Variants in PDCD1LG2 observed in about 807,000 individuals in gnomAD.
PDCD1LG2 encodes programmed cell death 1 ligand 2.
Under a neutral mutation model 28.2 loss-of-function variants are expected in PDCD1LG2, and 32 were observed. That is an observed-to-expected ratio of 1.13 (90% CI 0.86 to 1.52). The LOEUF (loss-of-function observed/expected upper bound fraction) is 1.52, where lower values mean the gene tolerates loss of function less well. Among genes scored for constraint, PDCD1LG2 ranks in the 40% most tolerant of loss-of-function variants. PDCD1LG2 has a pLI of 0.00. For missense variants in PDCD1LG2, 385 were observed against 323.8 expected, an observed-to-expected ratio of 1.19 and a Z score of -1.45; for synonymous variants, 116 against 120.2, an observed-to-expected ratio of 0.97 and a Z score of 0.23.
intron 4 of PDCD1LG2, among the ~76,000 whole-genome samples, chr9:5,549,918 C>T (rs908731049): frequency 6.6e-6 from 1 of 152,158 alleles, no homozygotes; most frequent in Non-Finnish European, 1.5e-5. Flanking sequence ...TGAATGAATA[C>T]CCCAACTCAT....
chr9:5,536,058 G>T lies in PDCD1LG2; in HGVS notation c.361+1008G>T, dbSNP rs117409046. Among the ~76,000 whole-genome samples, 1,167 of 152,176 alleles carry T rather than the reference G, an allele frequency of 7.7e-3. 42 individuals are homozygous for T. The highest frequency in any genetic ancestry group is 0.057 in the Admixed American group (878 of 15,270). ...TCTTCTAGAGGGTTTGTGGGTTTTG[G>T]CCCCAAAAAACCATTAACCTTGGCA... On this transcript the variant is annotated intron_variant, in intron 3 of 6. Coordinates refer to ENST00000397747, the MANE Select transcript of PDCD1LG2 (RefSeq NM_025239.4).
intron 4 of PDCD1LG2, among the ~76,000 whole-genome samples, chr9:5,557,255 A>AGATGGATGGATTGATG (rs969153461): frequency 1.0e-5 from 1 of 97,724 alleles, no homozygotes; most frequent in Admixed American, 1.0e-4. Flanking sequence ...ATTAGATGAT[A>AGATGGATGGATTGATG]GATGGATGGA....
At chr9:5,546,623 C>A (rs1339305840) in intron 3 of PDCD1LG2, among the ~76,000 whole-genome samples, 3 of 152,170 alleles carry the variant, frequency 2.0e-5, no homozygotes, top group East Asian at 3.8e-4. Context: ...AACCTCAGAG[C>A]ATATTCCTCT....
At chr9:5,557,073 T>G (rs1816456962) in intron 4 of PDCD1LG2, among the ~76,000 whole-genome samples, 1 of 152,200 alleles carries the variant, frequency 6.6e-6, no homozygotes, top group Admixed American at 6.5e-5. Context: ...TCCAAAAGGA[T>G]CCTGTTAATC....
At chr9:5,535,910 A>C (rs1032312504) in intron 3 of PDCD1LG2, among the ~76,000 whole-genome samples, 1 of 152,200 alleles carries the variant, frequency 6.6e-6, no homozygotes, top group South Asian at 2.1e-4. Context: ...ACAACTATAA[A>C]AAATAGATTT....
chr9:5,520,474 G>A (rs976280079), intron 1 of PDCD1LG2, among the ~76,000 whole-genome samples: 1 of 152,142 alleles, frequency 6.6e-6, no homozygotes, highest in Non-Finnish European at 1.5e-5. Flanking sequence ...ATGAGGTAAG[G>A]CTCCAAATTT....
chr9:5,511,516 T>A (rs1820057666), intron 1 of PDCD1LG2, among the ~76,000 whole-genome samples: 1 of 152,196 alleles, frequency 6.6e-6, no homozygotes, highest in Non-Finnish European at 1.5e-5. Context: ...GATTACCAAC[T>A]AATCAGGACT....
chr9:5,514,771 A>G (rs1820123969), intron 1 of PDCD1LG2, among the ~76,000 whole-genome samples: 1 of 137,248 alleles, frequency 7.3e-6, no homozygotes, highest in Non-Finnish European at 1.6e-5. Context: ...TAGTCTCTAA[A>G]GAAAAAAAAA....
At chr9:5,556,403 C>G (rs1304499256) in intron 4 of PDCD1LG2, among the ~76,000 whole-genome samples, 2 of 152,176 alleles carry the variant, frequency 1.3e-5, no homozygotes, top group African/African-American at 4.8e-5. Flanking sequence ...GTTAATCACA[C>G]TCTTTTGGAT....
intron 1 of PDCD1LG2, among the ~76,000 whole-genome samples, chr9:5,513,720 A>G (rs1820104247): frequency 6.6e-6 from 1 of 152,220 alleles, no homozygotes; most frequent in Admixed American, 6.5e-5. Context: ...TCAAATAATT[A>G]CTCATATACC....
intron 4 of PDCD1LG2, 23 bp from the exon 5 acceptor site, chr9:5,557,595 T>C (rs745786398): frequency 1.2e-6 from 2 of 1,613,558 alleles, no homozygotes; most frequent in African/African-American, 2.7e-5. Flanking sequence ...GTAACAGGAT[T>C]CTGGTGCTTT....
intron 1 of PDCD1LG2, among the ~76,000 whole-genome samples, chr9:5,520,437 C>T (rs1820251586): frequency 6.6e-6 from 1 of 152,130 alleles, no homozygotes; most frequent in South Asian, 2.1e-4. Context: ...GGTTCTTGAT[C>T]CATTTTGTTT....
At chr9:5,522,279 A>G (rs1820290332) in intron 1 of PDCD1LG2, among the ~76,000 whole-genome samples, 2 of 152,358 alleles carry the variant, frequency 1.3e-5, no homozygotes, top group South Asian at 2.1e-4. Flanking sequence ...GGACTGGTTC[A>G]TATTCAGAAA....
intron 3 of PDCD1LG2, among the ~76,000 whole-genome samples, chr9:5,547,594 A>T (rs1017855830): frequency 7.2e-5 from 11 of 152,178 alleles, no homozygotes; most frequent in African/African-American, 2.7e-4. Flanking sequence ...GCAATAATGT[A>T]TATTTATGGG....
chr9:5,553,192 G>C (rs1373297166), intron 4 of PDCD1LG2, among the ~76,000 whole-genome samples: 2 of 152,088 alleles, frequency 1.3e-5, no homozygotes, highest in African/African-American at 4.8e-5. Context: ...ATCAATTTTA[G>C]GACCAACTTC....
At chr9:5,528,207 T>A (rs1383923312) in intron 2 of PDCD1LG2, among the ~76,000 whole-genome samples, 2 of 148,410 alleles carry the variant, frequency 1.3e-5, no homozygotes, top group East Asian at 3.9e-4. Context: ...ATATTAAGTA[T>A]ACATATATTT....
chr9:5,531,029 C>T (rs981199272), intron 2 of PDCD1LG2, among the ~76,000 whole-genome samples: 3 of 152,312 alleles, frequency 2.0e-5, no homozygotes, highest in Admixed American at 1.3e-4. Flanking sequence ...GTTCGCAATA[C>T]TGTCTGCACT....
intron 3 of PDCD1LG2, among the ~76,000 whole-genome samples, chr9:5,541,690 C>T (rs1223222538): frequency 6.6e-6 from 1 of 152,030 alleles, no homozygotes; most frequent in African/African-American, 2.4e-5. Flanking sequence ...CAAATGGAAA[C>T]ACATCCCATG....
intron 2 of PDCD1LG2, among the ~76,000 whole-genome samples, chr9:5,532,327 C>A (rs1478901909): frequency 2.0e-5 from 3 of 152,172 alleles, no homozygotes; most frequent in African/African-American, 7.2e-5. Flanking sequence ...GGGATAGAGG[C>A]AAGCCAAAAA....
Sources: allele counts gnomAD v4.1 joint callset (sites outside exome capture counted in the v4.1 genomes callset), GRCh38; gene constraint gnomAD v4.1.1; transcripts MANE v1.5; gene names NCBI Gene and HGNC (gene_info 2026-07-23, HGNC 2026-07-21).